The following ARHGAP6 variants were observed in gnomAD, a reference collection of about 807,000 sequenced individuals.
ARHGAP6 encodes the protein rho GTPase-activating protein 6.
A neutral mutation model predicts 55.7 loss-of-function variants in ARHGAP6; 16 were observed. The observed-to-expected ratio is 0.29, with a 90% CI of 0.19 to 0.44. The LOEUF is 0.44. Among genes scored for constraint, ARHGAP6 ranks in the 20% least tolerant of loss-of-function variants. The probability of loss-of-function intolerance (pLI) is 1.00; values close to 1 mark genes in which losing one functional copy is unlikely to be tolerated. For missense variants in ARHGAP6, 698 were observed against 808.9 expected (o/e 0.86, Z 1.66); for synonymous variants, 382 against 360.9 (o/e 1.06, Z -0.66).
intron 1 of ARHGAP6, among the ~76,000 whole-genome samples, chrX:11,587,749 G>A (rs2051752841): frequency 8.9e-6 from 1 of 112,129 alleles, no homozygotes. Context: ...CTGTTCAGGG[G>A]CTGGAAAAGT....
chrX:11,662,612 TAAG>T (rs910804467), intron 1 of ARHGAP6, among the ~76,000 whole-genome samples: 1 of 112,440 alleles, frequency 8.9e-6, no homozygotes, highest in Non-Finnish European at 1.9e-5. Flanking sequence ...TGCTAATGGA[TAAG>T]AAGATAATTT....
At chrX:11,416,994 A>G (rs896339458) in intron 1 of ARHGAP6, among the ~76,000 whole-genome samples, 4 of 99,517 alleles carry the variant, frequency 4.0e-5, no homozygotes, top group Non-Finnish European at 8.1e-5. Flanking sequence ...GAATTATAAA[A>G]TTACCACAAC....
intron 1 of ARHGAP6, among the ~76,000 whole-genome samples, chrX:11,397,483 T>G (rs750580066): frequency 9.0e-6 from 1 of 111,709 alleles, no homozygotes; most frequent in African/African-American, 3.3e-5. Context: ...TAATGTATAA[T>G]GTATGGTATA....
chrX:11,660,826 T>A (rs1204612171), intron 1 of ARHGAP6, among the ~76,000 whole-genome samples: 1 of 110,926 alleles, frequency 9.0e-6, no homozygotes, highest in Non-Finnish European at 1.9e-5. Context: ...ATGGCAGTCA[T>A]CTTTGAAGAT....
At chrX:11,589,397 T>G (rs1333964733) in intron 1 of ARHGAP6, among the ~76,000 whole-genome samples, 2 of 107,186 alleles carry the variant, frequency 1.9e-5, no homozygotes, top group African/African-American at 3.4e-5. Context: ...GAAGAACTTT[T>G]ATAAATCAAA....
intron 8 of ARHGAP6, among the ~76,000 whole-genome samples, chrX:11,171,397 CA>C (rs200156085): frequency 0.12 from 11,633 of 96,948 alleles, 490 homozygotes; most frequent in Middle Eastern, 0.16. Context: ...CTTTCCACTA[CA>C]AAAAAAAAAA....
intron 1 of ARHGAP6, among the ~76,000 whole-genome samples, chrX:11,505,988 A>G (rs1173319642): frequency 9.0e-6 from 1 of 111,192 alleles, no homozygotes; most frequent in Non-Finnish European, 1.9e-5. Flanking sequence ...AACCGCTATA[A>G]CAAGAGTTTA....
At chrX:11,601,133 A>T (rs1260895172) in intron 1 of ARHGAP6, among the ~76,000 whole-genome samples, 1 of 111,987 alleles carries the variant, frequency 8.9e-6, no homozygotes, top group Admixed American at 9.5e-5. Context: ...AGCACAAACC[A>T]GGAAAGAGGG....
chrX:11,621,553 G>C (rs2052230650), intron 1 of ARHGAP6, among the ~76,000 whole-genome samples: 1 of 111,556 alleles, frequency 9.0e-6, no homozygotes, highest in African/African-American at 3.3e-5. Context: ...AAGTGTTTTA[G>C]TGAATTAGAT....
intron 1 of ARHGAP6, among the ~76,000 whole-genome samples, chrX:11,461,144 C>G (rs1362112271): frequency 8.9e-6 from 1 of 111,838 alleles, no homozygotes; most frequent in Non-Finnish European, 1.9e-5. Flanking sequence ...CATTCACAGT[C>G]CATGCTGCAA....
At chrX:11,296,532 C>G (rs1287019015) in intron 1 of ARHGAP6, among the ~76,000 whole-genome samples, 1 of 111,936 alleles carries the variant, frequency 8.9e-6, no homozygotes, top group African/African-American at 3.3e-5. Context: ...GCTATAACCC[C>G]AGGAACAGTC....
Position 11,354,319 on chromosome X carries a change from C to A in ARHGAP6, c.589-99612G>T, listed in dbSNP as rs372989619. On this transcript the variant is annotated intron_variant, in intron 1 of 12. Coordinates refer to ENST00000337414, the MANE Select transcript of ARHGAP6 (RefSeq NM_013427.3). Reference sequence around the variant, plus strand: ...TTTCTCTCTCTCTCTCTCTCTCTCTCTCTCTCTCTATATATATATATATAT... The same window carrying A: ...TTTCTCTCTCTCTCTCTCTCTCTCTATCTCTCTCTATATATATATATATAT... 7.0e-3 allele frequency among the ~76,000 whole-genome samples: 474 copies of A among 67,480 alleles called. 3 individuals carry two copies. Among genetic ancestry groups the A allele is most frequent in the African/African-American group, 0.012 (204 of 16,326 alleles). 58.6% of individuals were successfully genotyped at this position (67,480 alleles called of 115,157 possible).
At chrX:11,540,289 C>T (rs1386907839) in intron 1 of ARHGAP6, among the ~76,000 whole-genome samples, 1 of 108,914 alleles carries the variant, frequency 9.2e-6, no homozygotes, top group Non-Finnish European at 1.9e-5. Flanking sequence ...AAAAAAAAAC[C>T]TCAACAAGTG....
chrX:11,334,078 T>C (rs1276316671), intron 1 of ARHGAP6, among the ~76,000 whole-genome samples: 1 of 108,347 alleles, frequency 9.2e-6, no homozygotes, highest in African/African-American at 3.4e-5. Context: ...TTCTGAGAAA[T>C]GCATTCAATC....
At chrX:11,351,113 C>T (rs922902431) in intron 1 of ARHGAP6, among the ~76,000 whole-genome samples, 6 of 109,124 alleles carry the variant, frequency 5.5e-5, no homozygotes, top group Admixed American at 9.9e-5. Context: ...GCACCACCCA[C>T]TTCTCTCATT....
At chrX:11,526,102 G>C (rs1476554217) in intron 1 of ARHGAP6, among the ~76,000 whole-genome samples, 1 of 111,900 alleles carries the variant, frequency 8.9e-6, no homozygotes, top group Non-Finnish European at 1.9e-5. Context: ...CAGTTTAATT[G>C]GGAGAAGATC....
intron 1 of ARHGAP6, chrX:11,318,726 T>C (rs958397199): frequency 8.8e-6 from 1 of 113,533 alleles, no homozygotes; most frequent in African/African-American, 3.2e-5. Flanking sequence ...AATGGAAGGA[T>C]AAAACACAAA....
intron 1 of ARHGAP6, among the ~76,000 whole-genome samples, chrX:11,282,642 C>G (rs1179146976): frequency 3.6e-5 from 4 of 111,788 alleles, no homozygotes; most frequent in East Asian, 2.8e-4. Flanking sequence ...TATATTTGAT[C>G]GAAACAGAAT....
intron 2 of ARHGAP6, among the ~76,000 whole-genome samples, chrX:11,222,066 CTAT>C (rs765530652): frequency 1.3e-4 from 14 of 111,635 alleles, no homozygotes; most frequent in African/African-American, 3.6e-4. Flanking sequence ...TGATTATTTT[CTAT>C]TATTATTCCA....
Sources: gnomAD v4.1 joint callset for allele counts (sites outside exome capture counted in the v4.1 genomes callset) on GRCh38, gnomAD v4.1.1 for gene constraint, MANE v1.5 for transcripts, NCBI Gene and HGNC (gene_info 2026-07-23, HGNC 2026-07-21) for gene names.